The following SMURF1 variants were observed in gnomAD, a reference collection of about 807,000 sequenced individuals.
SMURF1 encodes E3 ubiquitin-protein ligase SMURF1.
A neutral mutation model predicts 98.0 loss-of-function variants in SMURF1; 44 were observed. The observed-to-expected ratio is 0.45, with a 90% CI of 0.35 to 0.58. The LOEUF (loss-of-function observed/expected upper bound fraction) is 0.58, where lower values mean the gene tolerates loss of function less well. Ranked by LOEUF, SMURF1 falls within the 20% of genes least tolerant of loss-of-function variation. The pLI is 0.00. For synonymous variants in SMURF1, 396 were observed against 374.9 expected, an observed-to-expected ratio of 1.06 and a Z score of -0.65; for missense variants, 687 against 938.4, an observed-to-expected ratio of 0.73 and a Z score of 3.50.
Position 99,100,427 on chromosome 7 carries a change from C to T in SMURF1, c.56-38590G>A, listed in dbSNP as rs572067728. Among the ~76,000 whole-genome samples the T allele has an allele frequency of 2.3e-3, 355 of 152,202 alleles. 1 individual carries two copies. The highest frequency in any genetic ancestry group is 4.3e-3 in the Non-Finnish European group (294 of 67,998). On this transcript the variant is annotated intron_variant, in intron 1 of 17. Transcript: ENST00000361368. The stretch of plus-strand genomic sequence containing the variant: ...AAAATTAGCTGGGCATGGTGGCGGG[C>T]GCCTATAATCCCAGCTACTCAGAAG...
chr7:99,050,835 G>T (rs1369429429), intron 8 of SMURF1: 1 of 1,020,774 alleles, frequency 9.8e-7, no homozygotes, highest in Non-Finnish European at 1.4e-6. Flanking sequence ...AGGTAGTAAT[G>T]CTATTCTAAA....
rs111345329 is a variant in SMURF1 at position 99,059,902 on chromosome 7, T to C, written c.203+697A>G. On this transcript the variant is annotated intron_variant, in intron 3 of 17. Coordinates refer to ENST00000361368, the MANE Select transcript of SMURF1 (RefSeq NM_181349.3). ...TCTAGCCTGGGCGACAAAGCAAGAC[T>C]CCATCTCAAAAAAAAAAAAAATGCA... Among the ~76,000 whole-genome samples, 494 of 130,782 alleles carry C rather than the reference T, an allele frequency of 3.8e-3. 2 individuals carry two copies. Among genetic ancestry groups the C allele is most frequent in the African/African-American group, 0.012 (453 of 36,274 alleles). The allele number at this position is 130,782 out of a possible 152,430, so 85.8% of individuals were successfully genotyped here. A position where few individuals can be genotyped will look rare whatever the true frequency, so the allele number is the denominator to read the frequency against.
chr7:99,049,791 A>G, intron 8 of SMURF1, 82 bp from the exon 9 acceptor site: 1 of 1,389,568 alleles, frequency 7.2e-7, no homozygotes, highest in Non-Finnish European at 9.8e-7. Context: ...GAAGCCACAG[A>G]GGTTCCTTAT....
chr7:99,139,427 A>T (rs993927271), intron 1 of SMURF1, among the ~76,000 whole-genome samples: 1 of 152,234 alleles, frequency 6.6e-6, no homozygotes, highest in African/African-American at 2.4e-5. Flanking sequence ...TTCAATGCAT[A>T]AAAGCACAAA....
chr7:99,057,610 T>C, intron 3 of SMURF1, 59 bp from the exon 4 acceptor site: 1 of 1,334,214 alleles, frequency 7.5e-7, no homozygotes, highest in Admixed American at 2.9e-5. Context: ...GTTTTGTTTT[T>C]TTTTTTTTTT....
chr7:99,063,155 GAAT>G (rs1796075664), intron 1 of SMURF1, among the ~76,000 whole-genome samples: 1 of 145,268 alleles, frequency 6.9e-6, no homozygotes, highest in Non-Finnish European at 1.5e-5. Flanking sequence ...AAAACTAAGT[GAAT>G]AATGTCGTAA....
chr7:99,039,872 T>A (rs1047848370), intron 13 of SMURF1, among the ~76,000 whole-genome samples: 1 of 152,196 alleles, frequency 6.6e-6, no homozygotes, highest in Admixed American at 6.5e-5. Flanking sequence ...TAACAGAGTG[T>A]TTAGAATAAT....
intron 3 of SMURF1, among the ~76,000 whole-genome samples, chr7:99,060,256 A>G (rs1238720432): frequency 4.6e-5 from 7 of 151,048 alleles, no homozygotes; most frequent in Admixed American, 4.0e-4. Flanking sequence ...GCATATGTCC[A>G]TAATCCCAGC....
intron 10 of SMURF1, among the ~76,000 whole-genome samples, chr7:99,046,655 C>T (rs1795589364): frequency 7.0e-6 from 1 of 142,932 alleles, no homozygotes; most frequent in Admixed American, 7.6e-5. Flanking sequence ...TCGCTTGAAC[C>T]TGGGAGTCAG....
chr7:99,111,612 G>GA (rs1166819630), intron 1 of SMURF1, among the ~76,000 whole-genome samples: 2 of 152,082 alleles, frequency 1.3e-5, no homozygotes, highest in Non-Finnish European at 2.9e-5. Flanking sequence ...AGAACACTGG[G>GA]AAATAATCAA....
rs1263725933 is a variant in SMURF1, at chr7:99,143,914, C to T, written c.-134G>A. The T allele has an allele frequency of 4.2e-6, 3 of 709,712 alleles. No homozygotes were observed. The highest frequency in any genetic ancestry group is 6.2e-6 in the Non-Finnish European group (3 of 487,142). The allele number at this position is 709,712 out of a possible 1,614,324, so 44.0% of individuals were successfully genotyped here. The stretch of plus-strand genomic sequence containing the variant: ...GGGGTCCGAGCCGGGACACAAACTC[C>T]GCGGCCCAGGCGTCCGGGCGGCAGG... On this transcript the variant is annotated 5_prime_UTR_variant, in exon 1 of 18. Coordinates refer to ENST00000361368, the MANE Select transcript of SMURF1 (RefSeq NM_181349.3).
chr7:99,063,276 T>G (rs1410628571), intron 1 of SMURF1, among the ~76,000 whole-genome samples: 222 of 13,652 alleles, frequency 0.016, 15 homozygotes, highest in Non-Finnish European at 0.038. Flanking sequence ...TATATATATA[T>G]ATATATATAT....
At chr7:99,143,291 G>A (rs563429882) in intron 1 of SMURF1, among the ~76,000 whole-genome samples, 15 of 137,144 alleles carry the variant, frequency 1.1e-4, no homozygotes, top group African/African-American at 3.9e-4. Context: ...GGGGTCAGGT[G>A]CTAGGGAGAG....
chr7:99,049,697 A>C lies in SMURF1; in HGVS notation c.819T>G (p.Ser273Arg), dbSNP rs1238107171. ...HDPRIPRDLN[S>R]VNCDELGPLP... ...GTGGTCCAAGTTCATCACAGTTCAC[A>C]CTGTTAAGGTCTCTACCAAAATGGA... is the stretch of plus-strand genomic sequence containing the variant. The change falls in exon 9 of 18, where the codon AGT becomes AGG. Residue 273 changes from serine to arginine, a missense_variant. Physicochemically the swap from Ser to Arg is moderately radical, Grantham distance 110. Around this residue, in one of 2 missense-constraint regions of SMURF1, gnomAD observed 415 missense variants for 508.4 expected, o/e 0.82. Coordinates refer to ENST00000361368, the MANE Select transcript of SMURF1 (RefSeq NM_181349.3). 3 of 1,613,924 alleles carry C rather than the reference A, an allele frequency of 1.9e-6. No individual in the cohort carries two copies. The highest frequency in any genetic ancestry group is 1.7e-6 in the Non-Finnish European group (2 of 1,180,018).
chr7:99,047,021 G>A (rs1295845903), intron 10 of SMURF1, among the ~76,000 whole-genome samples: 1 of 152,212 alleles, frequency 6.6e-6, no homozygotes, highest in Non-Finnish European at 1.5e-5. Context: ...TTCTGACAGT[G>A]TCTCCACAAA....
At chr7:99,063,843 C>G (rs899491267) in intron 1 of SMURF1, among the ~76,000 whole-genome samples, 1 of 150,442 alleles carries the variant, frequency 6.6e-6, no homozygotes, top group Non-Finnish European at 1.5e-5. Context: ...GTGGCATGAT[C>G]ATAGCTCACT....
rs1749920818 is a variant in SMURF1, at chr7:99,035,693, T to C, written c.1833A>G (p.Lys611=). The change falls in exon 16 of 18, where the codon AAA becomes AAG. Residue 611 remains lysine, a synonymous_variant. Transcript: ENST00000361368. ...TCGACTTCCAGTCGTTCAAGTCTAT[T>C]TTATCCAGGCCGCCTATGATCAGCT... ...ELELIIGGLD[K]IDLNDWKSNT... 1 of 1,613,994 alleles carries C rather than the reference T, an allele frequency of 6.2e-7. No homozygotes were observed. The highest frequency in any genetic ancestry group is 1.3e-5 in the African/African-American group (1 of 74,932).
chr7:99,045,769 C>T lies in SMURF1; in HGVS notation c.1185G>A (p.Pro395=), dbSNP rs142287239. The stretch of plus-strand genomic sequence containing the variant: ...CCATCAGCCGTTTTTTCAAGTCTTT[C>T]GGTCGCATCTTCATTATCTGGCGGT... ...ESYRQIMKMR[P]KDLKKRLMVK... is the part of the protein sequence containing the mutation. Residue 395 remains proline, a synonymous_variant, in exon 11 of 18, where the codon CCG becomes CCA. Coordinates refer to ENST00000361368, the MANE Select transcript of SMURF1 (RefSeq NM_181349.3). 3.8e-5 allele frequency: 61 copies of T among 1,614,198 alleles called. No individual in the cohort carries two copies. The African/African-American group carries it at 6.8e-4, about 18-fold the overall frequency.
chr7:99,086,666 G>A (rs1003993360), intron 1 of SMURF1, among the ~76,000 whole-genome samples: 7 of 152,150 alleles, frequency 4.6e-5, no homozygotes, highest in Admixed American at 6.6e-5. Flanking sequence ...CAACCCAAAC[G>A]TCCATCATCT....
Sources: gnomAD v4.1 joint callset for allele counts (sites outside exome capture counted in the v4.1 genomes callset) on GRCh38, gnomAD v4.1.1 for gene constraint, gnomAD v4.1.1 regional missense constraint, MANE v1.5 for transcripts, NCBI Gene and HGNC (gene_info 2026-07-23, HGNC 2026-07-21) for gene names.